Variants in KHDRBS2 observed in about 807,000 individuals in gnomAD.
KHDRBS2 encodes KH domain-containing, RNA-binding, signal transduction-associated protein 2.
In KHDRBS2, 26 loss-of-function variants were observed where a neutral mutation model predicts 44.3. The ratio of observed to expected loss-of-function variants is 0.59; its 90% CI spans 0.43 to 0.81. KHDRBS2 has a LOEUF of 0.81. Among genes scored for constraint, KHDRBS2 ranks in the 40% least tolerant of loss-of-function variants. The pLI is 0.00. For missense variants in KHDRBS2, 476 were observed against 433.1 expected (o/e 1.10, Z -0.88); for synonymous variants, 194 against 151.1 (o/e 1.28, Z -2.08).
At chr6:61,759,665 C>G (rs1011713432) in intron 6 of KHDRBS2, among the ~76,000 whole-genome samples, 11 of 152,182 alleles carry the variant, frequency 7.2e-5, no homozygotes, top group Admixed American at 5.2e-4. Flanking sequence ...TAGCTAAACA[C>G]TAAACTATTT....
Position 62,188,513 on chromosome 6 carries a change from G to A in KHDRBS2, c.92-11201C>T, listed in dbSNP as rs1250537141. On this transcript the variant is annotated intron_variant, in intron 1 of 8. Coordinates refer to ENST00000281156, the MANE Select transcript of KHDRBS2 (RefSeq NM_152688.4). Reference sequence around the variant, plus strand: ...AAAAGAGGGTAATGGCATATAAAATGGTGAGAAGTGAGTGATGTTTAGATA... The same window carrying A: ...AAAAGAGGGTAATGGCATATAAAATAGTGAGAAGTGAGTGATGTTTAGATA... Among the ~76,000 whole-genome samples, 3 of 152,132 alleles carry A rather than the reference G, an allele frequency of 2.0e-5. No homozygotes were observed. In the East Asian group the frequency reaches 5.8e-4, roughly 29 times the overall value.
chr6:61,720,931 A>C (rs1772372916), intron 7 of KHDRBS2, among the ~76,000 whole-genome samples: 1 of 150,940 alleles, frequency 6.6e-6, no homozygotes, highest in South Asian at 2.1e-4. Flanking sequence ...TTAAGTCTTT[A>C]ATCCATCTTG....
chr6:62,239,619 TG>T (rs1326682878), intron 1 of KHDRBS2, among the ~76,000 whole-genome samples: 6 of 151,814 alleles, frequency 4.0e-5, no homozygotes, highest in East Asian at 1.9e-4. Context: ...AGTGTGCTTT[TG>T]GGGGGAAAAA....
intron 7 of KHDRBS2, among the ~76,000 whole-genome samples, chr6:61,723,516 C>T (rs1019474954): frequency 2.0e-5 from 3 of 152,022 alleles, no homozygotes; most frequent in African/African-American, 7.2e-5. Flanking sequence ...CTGCACTGCA[C>T]TCCAGCCTGG....
the KHDRBS2 span, among the ~76,000 whole-genome samples, chr6:61,556,949 A>C: frequency 2.7e-5 from 4 of 147,402 alleles, no homozygotes; most frequent in Non-Finnish European, 5.9e-5. Flanking sequence ...GACTACCAAT[A>C]AAGTTTGTTG....
chr6:62,037,572 C>T (rs1264490192), intron 3 of KHDRBS2, among the ~76,000 whole-genome samples: 1 of 151,736 alleles, frequency 6.6e-6, no homozygotes, highest in Non-Finnish European at 1.5e-5. Flanking sequence ...ACAGTAAGCC[C>T]ACTATTGAGG....
At chr6:61,930,713 A>G (rs532439240) in intron 4 of KHDRBS2, among the ~76,000 whole-genome samples, 1 of 142,968 alleles carries the variant, frequency 7.0e-6, no homozygotes, top group African/African-American at 2.6e-5. Context: ...AAAGAAAAAG[A>G]AAGAAAGACG....
At chr6:62,121,890 G>A (rs1023718471) in intron 2 of KHDRBS2, among the ~76,000 whole-genome samples, 1 of 152,184 alleles carries the variant, frequency 6.6e-6, no homozygotes, top group African/African-American at 2.4e-5. Context: ...TAGGGGTCCA[G>A]TGATGAGAGG....
intron 1 of KHDRBS2, among the ~76,000 whole-genome samples, chr6:62,191,457 C>T (rs1824597250): frequency 6.6e-6 from 1 of 152,082 alleles, no homozygotes; most frequent in East Asian, 1.9e-4. Context: ...TCTCCCTTAG[C>T]ACTTTGTACT....
At chr6:61,654,404 A>G in the KHDRBS2 span, among the ~76,000 whole-genome samples, 1 of 151,884 alleles carries the variant, frequency 6.6e-6, no homozygotes, top group African/African-American at 2.4e-5. Flanking sequence ...GGGAACAATG[A>G]TTGCTAGTGT....
chr6:62,017,978 A>G (rs147670250), intron 3 of KHDRBS2, among the ~76,000 whole-genome samples: 2,708 of 152,014 alleles, frequency 0.018, 51 homozygotes, highest in Non-Finnish European at 0.028. Context: ...ACATGATTCC[A>G]TTAATCATGT....
chr6:62,034,328 A>G (rs1360227876), intron 3 of KHDRBS2, among the ~76,000 whole-genome samples: 2 of 151,892 alleles, frequency 1.3e-5, no homozygotes, highest in Admixed American at 1.3e-4. Flanking sequence ...CTCATTCTAT[A>G]AGCCCAGTAC....
In KHDRBS2 at chr6:61,751,830, T is replaced by C. The variant is rs531553829; in HGVS notation, c.811-19066A>G. Among the ~76,000 whole-genome samples, 6 of 152,270 alleles carry C rather than the reference T, an allele frequency of 3.9e-5. No individual in the cohort carries two copies. The South Asian group carries it at 1.2e-3, about 32-fold the overall frequency. ...AGGTTACAAGTCCAAGATGAAGGTGTCAAAGGTGTCACACAGCTTGTTTGA... is the reference window on the plus strand; with the variant it reads ...AGGTTACAAGTCCAAGATGAAGGTGCCAAAGGTGTCACACAGCTTGTTTGA... On this transcript the variant is annotated intron_variant, in intron 6 of 8. Coordinates refer to ENST00000281156, the MANE Select transcript of KHDRBS2 (RefSeq NM_152688.4).
At chr6:62,123,005 C>T (rs936173817) in intron 2 of KHDRBS2, among the ~76,000 whole-genome samples, 1 of 152,110 alleles carries the variant, frequency 6.6e-6, no homozygotes, top group Non-Finnish European at 1.5e-5. Context: ...CACCCATCAA[C>T]TTGAGATTTA....
chr6:61,788,523 C>T (rs1784167256), intron 6 of KHDRBS2, among the ~76,000 whole-genome samples: 1 of 151,354 alleles, frequency 6.6e-6, no homozygotes, highest in Admixed American at 6.6e-5. Flanking sequence ...TAGTATCTCA[C>T]ATATTCCTAT....
At chr6:62,004,042 GGTAAA>G (rs1778756837) in intron 3 of KHDRBS2, among the ~76,000 whole-genome samples, 1 of 152,058 alleles carries the variant, frequency 6.6e-6, no homozygotes, top group Non-Finnish European at 1.5e-5. Context: ...ATGCCCACAA[GGTAAA>G]GCAGGAAAGA....
At chr6:61,783,368 C>A (rs1215745152) in intron 6 of KHDRBS2, among the ~76,000 whole-genome samples, 1 of 152,082 alleles carries the variant, frequency 6.6e-6, no homozygotes, top group Admixed American at 6.6e-5. Flanking sequence ...TCTAGCCCAG[C>A]GCTTTCCATG....
chr6:61,565,367 A>C, the KHDRBS2 span, among the ~76,000 whole-genome samples: 226 of 152,192 alleles, frequency 1.5e-3, no homozygotes, highest in African/African-American at 5.3e-3. Context: ...ACAATCAACA[A>C]ACTGGAAAGA....
chr6:61,720,770 C>G (rs1225982436), intron 7 of KHDRBS2, among the ~76,000 whole-genome samples: 5 of 151,746 alleles, frequency 3.3e-5, no homozygotes, highest in Non-Finnish European at 4.4e-5. Context: ...TGTGCAGAAG[C>G]TCTTTAGTTT....
Sources: gnomAD v4.1 joint callset for allele counts (sites outside exome capture counted in the v4.1 genomes callset) on GRCh38, gnomAD v4.1.1 for gene constraint, MANE v1.5 for transcripts, NCBI Gene and HGNC (gene_info 2026-07-23, HGNC 2026-07-21) for gene names.